Variants in LSAMP observed in about 807,000 individuals in gnomAD.
LSAMP encodes limbic system-associated membrane protein.
LSAMP carries 7 observed loss-of-function variants against 38.6 expected under a neutral mutation model. The observed-to-expected ratio is 0.18, with a 90% CI of 0.10 to 0.34. LSAMP has a LOEUF of 0.34. Ranked by LOEUF, LSAMP falls within the 10% of genes least tolerant of loss-of-function variation. The pLI, the probability that LSAMP is intolerant of heterozygous loss-of-function variation, is 1.00. For synonymous variants in LSAMP, 154 were observed against 166.8 expected (o/e 0.92, Z 0.59); for missense variants, 313 against 420.0 (o/e 0.75, Z 2.23).
intron 6 of LSAMP, among the ~76,000 whole-genome samples, chr3:115,837,579 G>A (rs1207292839): frequency 6.6e-6 from 1 of 152,094 alleles, no homozygotes; most frequent in Non-Finnish European, 1.5e-5. Context: ...ATGGAAGTGG[G>A]AGGCAACACA....
chr3:115,918,004 T>C (rs528206118), intron 3 of LSAMP, among the ~76,000 whole-genome samples: 3 of 152,294 alleles, frequency 2.0e-5, no homozygotes, highest in South Asian at 4.1e-4. Flanking sequence ...TAAAGTTCCA[T>C]GAGAAGCAGA....
chr3:116,020,352 T>A (rs1940604033), intron 2 of LSAMP, among the ~76,000 whole-genome samples: 1 of 152,208 alleles, frequency 6.6e-6, no homozygotes, highest in Non-Finnish European at 1.5e-5. Context: ...ACATTTATTA[T>A]ACCTAAAACC....
At chr3:116,107,384 T>C (rs1708492011) in intron 1 of LSAMP, among the ~76,000 whole-genome samples, 2 of 152,092 alleles carry the variant, frequency 1.3e-5, no homozygotes, top group Admixed American at 6.5e-5. Context: ...CTAAAAGTAT[T>C]AAAGCAGTGG....
chr3:116,073,650 G>A (rs894920204), intron 2 of LSAMP, among the ~76,000 whole-genome samples: 1 of 152,068 alleles, frequency 6.6e-6, no homozygotes, highest in African/African-American at 2.4e-5. Context: ...GAATGCTAGT[G>A]ACTTTTGCAT....
At chr3:116,312,041 T>A (rs952998514) in intron 1 of LSAMP, among the ~76,000 whole-genome samples, 1 of 152,168 alleles carries the variant, frequency 6.6e-6, no homozygotes, top group African/African-American at 2.4e-5. Flanking sequence ...AAGCAATAGA[T>A]ACAATCCATT....
intron 1 of LSAMP, among the ~76,000 whole-genome samples, chr3:116,093,401 C>T (rs986997591): frequency 6.6e-6 from 1 of 152,160 alleles, no homozygotes; most frequent in Admixed American, 6.6e-5. Flanking sequence ...GTTTACACAT[C>T]CAGAAGCATA....
intron 1 of LSAMP, among the ~76,000 whole-genome samples, chr3:116,130,598 A>G (rs968495194): frequency 6.6e-6 from 1 of 152,198 alleles, no homozygotes; most frequent in African/African-American, 2.4e-5. Flanking sequence ...ATAATTTGAA[A>G]ATGGGCTTCT....
chr3:116,217,377 C>G (rs2046233346), intron 1 of LSAMP, among the ~76,000 whole-genome samples: 1 of 152,178 alleles, frequency 6.6e-6, no homozygotes, highest in African/African-American at 2.4e-5. Context: ...TATCTGGACT[C>G]AAATTCTAGC....
intron 2 of LSAMP, among the ~76,000 whole-genome samples, chr3:116,064,006 T>C (rs1191870606): frequency 6.6e-6 from 1 of 152,224 alleles, no homozygotes; most frequent in Non-Finnish European, 1.5e-5. Flanking sequence ...GGTGGTAACA[T>C]AGAGTAATGA....
intron 3 of LSAMP, among the ~76,000 whole-genome samples, chr3:115,998,666 G>A (rs1939898220): frequency 6.6e-6 from 1 of 152,038 alleles, no homozygotes; most frequent in South Asian, 2.1e-4. Context: ...CTGATATGCA[G>A]GTGAAGTTTG....
At chr3:116,177,120 C>G (rs930853837) in intron 1 of LSAMP, among the ~76,000 whole-genome samples, 1 of 152,040 alleles carries the variant, frequency 6.6e-6, no homozygotes, top group Non-Finnish European at 1.5e-5. Context: ...CCTTGGAATA[C>G]AGTTTAAAAA....
intron 1 of LSAMP, among the ~76,000 whole-genome samples, chr3:116,119,611 A>G (rs1708829947): frequency 6.6e-6 from 1 of 152,028 alleles, no homozygotes; most frequent in Non-Finnish European, 1.5e-5. Context: ...TGGATACATA[A>G]TCATTTATAT....
intron 1 of LSAMP, among the ~76,000 whole-genome samples, chr3:116,197,130 G>GACACAC (rs10650049): frequency 0.027 from 3,651 of 136,580 alleles, 61 homozygotes; most frequent in Middle Eastern, 0.052. Flanking sequence ...ATCCCACTCG[G>GACACAC]ACACACACAC....
rs187082947 is a variant in LSAMP, at chr3:116,108,012, C to A, written c.156-21456G>T. Among the ~76,000 whole-genome samples the A allele has an allele frequency of 2.7e-3, 406 of 152,070 alleles. 2 individuals are homozygous for A. The highest frequency in any genetic ancestry group is 4.1e-3 in the Non-Finnish European group (278 of 68,004). On this transcript the variant is annotated intron_variant, in intron 1 of 6. Transcript: ENST00000490035. ...CTTTAAAAGGCCATGCTGTAGCAGG[C>A]GAGTGATAACAGGCTTTAATCCTTT...
At chr3:116,118,621 C>T (rs977055586) in intron 1 of LSAMP, among the ~76,000 whole-genome samples, 5 of 152,126 alleles carry the variant, frequency 3.3e-5, no homozygotes, top group Admixed American at 6.6e-5. Context: ...CATCGTCTTT[C>T]CACAGATTTG....
At chr3:115,907,218 C>T (rs1292063334) in intron 3 of LSAMP, among the ~76,000 whole-genome samples, 1 of 151,986 alleles carries the variant, frequency 6.6e-6, no homozygotes, top group Non-Finnish European at 1.5e-5. Flanking sequence ...CCTGATTTTG[C>T]CTATCCATTG....
At chr3:115,957,167 C>G (rs938423750) in intron 3 of LSAMP, among the ~76,000 whole-genome samples, 2 of 152,130 alleles carry the variant, frequency 1.3e-5, no homozygotes, top group African/African-American at 4.8e-5. Flanking sequence ...CATGAGAATC[C>G]TGGCATTTTC....
At chr3:116,216,811 T>C (rs1354461655) in intron 1 of LSAMP, among the ~76,000 whole-genome samples, 1 of 152,218 alleles carries the variant, frequency 6.6e-6, no homozygotes, top group African/African-American at 2.4e-5. Context: ...ACAGCTAGTT[T>C]CTGCTTTACT....
At chr3:116,106,442 C>G (rs1021932951) in intron 1 of LSAMP, among the ~76,000 whole-genome samples, 1 of 152,166 alleles carries the variant, frequency 6.6e-6, no homozygotes, top group Admixed American at 6.5e-5. Context: ...AGTGTCTATA[C>G]AGCAGCTCAA....
Sources: allele counts gnomAD v4.1 joint callset (sites outside exome capture counted in the v4.1 genomes callset), GRCh38; gene constraint gnomAD v4.1.1; transcripts MANE v1.5; gene names NCBI Gene and HGNC (gene_info 2026-07-23, HGNC 2026-07-21).